The following CELF2 variants were observed in gnomAD, a reference collection of about 807,000 sequenced individuals.
CELF2 encodes the protein CUGBP Elav-like family member 2.
Under a neutral mutation model 62.6 loss-of-function variants are expected in CELF2, and 8 were observed. That is an observed-to-expected ratio of 0.13 (90% confidence interval 0.07 to 0.23). The LOEUF (loss-of-function observed/expected upper bound fraction) is 0.23, where lower values mean the gene tolerates loss of function less well. CELF2 is among the 10% of genes least tolerant of loss of function. CELF2 has a pLI of 1.00. For synonymous variants in CELF2, 258 were observed against 250.0 expected, an observed-to-expected ratio of 1.03 and a Z score of -0.30; for missense variants, 333 against 671.0, an observed-to-expected ratio of 0.50 and a Z score of 5.56.
intron 1 of CELF2, among the ~76,000 whole-genome samples, chr10:10,877,930 A>T (rs2061212473): frequency 6.6e-6 from 1 of 152,164 alleles, no homozygotes; most frequent in South Asian, 2.1e-4. Context: ...TCCAGATAGG[A>T]TCTAATTTTC....
the CELF2 span, among the ~76,000 whole-genome samples, chr10:10,708,052 T>A: frequency 6.6e-5 from 10 of 152,196 alleles, no homozygotes; most frequent in Non-Finnish European, 1.3e-4. Context: ...AGTATCTTCA[T>A]ATAAACAAAG....
At chr10:10,707,089 T>C in the CELF2 span, among the ~76,000 whole-genome samples, 1 of 152,184 alleles carries the variant, frequency 6.6e-6, no homozygotes, top group Non-Finnish European at 1.5e-5. Context: ...GCTCTGGCAT[T>C]TGGGGGTTAC....
chr10:10,985,160 T>A (rs960204436), intron 2 of CELF2, among the ~76,000 whole-genome samples: 1 of 152,190 alleles, frequency 6.6e-6, no homozygotes, highest in South Asian at 2.1e-4. Context: ...CAAGGAAATG[T>A]TCTTTCAGTA....
intron 1 of CELF2, among the ~76,000 whole-genome samples, chr10:11,009,050 C>G (rs897466561): frequency 1.3e-4 from 18 of 139,664 alleles, no homozygotes; most frequent in African/African-American, 3.5e-4. Context: ...CTATTGATTG[C>G]TTCTCTAATT....
chr10:11,176,532 C>A (rs1006555509), intron 2 of CELF2, among the ~76,000 whole-genome samples: 13 of 152,128 alleles, frequency 8.5e-5, no homozygotes, highest in Admixed American at 3.9e-4. Context: ...TTTGCAATAG[C>A]CCAAAGTTAA....
intron 1 of CELF2, among the ~76,000 whole-genome samples, chr10:10,843,351 G>A (rs1408950860): frequency 6.6e-6 from 1 of 151,830 alleles, no homozygotes; most frequent in East Asian, 1.9e-4. Context: ...GGTTGAAATT[G>A]TTCTTTTTTA....
rs1157560555 is a variant in CELF2, at chr10:11,330,630, AGCTATGAATTCT to A, written c.*1579_*1590del. 6.6e-6 allele frequency: 1 copy of A among 152,604 alleles called. No individual in the cohort carries two copies. Among genetic ancestry groups the A allele is most frequent in the Non-Finnish European group, 1.5e-5 (1 of 68,036 alleles). The allele number at this position is 152,604 out of a possible 1,614,324, so 9.5% of individuals were successfully genotyped here. A position where few individuals can be genotyped will look rare whatever the true frequency, so the allele number is the denominator to read the frequency against. Reference sequence around the variant, plus strand: ...TTGAAATTTGCATGTGACCTCATCTAGCTATGAATTCTGGGAAGTCAATGTGAAAAACATTGC... The same window carrying A: ...TTGAAATTTGCATGTGACCTCATCTAGGGAAGTCAATGTGAAAAACATTGC... On this transcript the variant is annotated 3_prime_UTR_variant, in exon 13 of 13. Coordinates refer to ENST00000633077, the MANE Select transcript of CELF2 (RefSeq NM_001326342.2). This position sits in a 1 kb window ranked among gnomAD's most constrained non-coding sequence, Gnocchi z 4.5.
the CELF2 span, among the ~76,000 whole-genome samples, chr10:10,479,820 A>C: frequency 6.6e-6 from 1 of 152,224 alleles, no homozygotes. Context: ...TGCAATCCTG[A>C]AATGTCATGG....
intron 1 of CELF2, among the ~76,000 whole-genome samples, chr10:10,821,974 G>C (rs1165832061): frequency 6.6e-6 from 1 of 152,182 alleles, no homozygotes; most frequent in South Asian, 2.1e-4. Flanking sequence ...TTTCTCCCCT[G>C]CTGAGAAGCC....
the CELF2 span, among the ~76,000 whole-genome samples, chr10:10,656,533 A>G: frequency 0.065 from 7,156 of 109,450 alleles, 218 homozygotes; most frequent in South Asian, 0.11. Context: ...ATGGAATACT[A>G]TGCAGCCATA....
chr10:10,549,548 T>G, the CELF2 span, among the ~76,000 whole-genome samples: 2 of 152,238 alleles, frequency 1.3e-5, no homozygotes, highest in Non-Finnish European at 2.9e-5. Context: ...CCTCACAATG[T>G]GCTGGGATTA....
chr10:10,850,717 A>C (rs1009453834), intron 1 of CELF2, among the ~76,000 whole-genome samples: 1 of 152,220 alleles, frequency 6.6e-6, no homozygotes, highest in Non-Finnish European at 1.5e-5. Context: ...AATGCTTTTA[A>C]TCTTCACAAT....
chr10:10,747,477 C>G, the CELF2 span, among the ~76,000 whole-genome samples: 2 of 152,138 alleles, frequency 1.3e-5, no homozygotes, highest in Non-Finnish European at 2.9e-5. Flanking sequence ...TGTCTGGAGG[C>G]TGACGGAAGG....
chr10:11,036,718 C>T (rs555093849), intron 1 of CELF2, among the ~76,000 whole-genome samples: 1 of 152,316 alleles, frequency 6.6e-6, no homozygotes, highest in Admixed American at 6.5e-5. Context: ...GCTAGTTTTA[C>T]GCTGAGAGCC....
At chr10:11,203,399 A>G (rs2059720208) in intron 2 of CELF2, among the ~76,000 whole-genome samples, 1 of 152,224 alleles carries the variant, frequency 6.6e-6, no homozygotes, top group African/African-American at 2.4e-5. Flanking sequence ...TACAAGGACC[A>G]TGTGTTACAT....
At chr10:11,164,541 G>C (rs1027443291) in intron 1 of CELF2, among the ~76,000 whole-genome samples, 3 of 152,134 alleles carry the variant, frequency 2.0e-5, no homozygotes, top group Non-Finnish European at 4.4e-5. Flanking sequence ...TCTCCCAAAC[G>C]TGTGATTGTT....
rs991206014 is a variant in CELF2 at position 11,207,736 on chromosome 10, A to T, written c.272-9689A>T. Among the ~76,000 whole-genome samples the T allele has an allele frequency of 1.3e-5, 2 of 152,258 alleles. No individual in the cohort carries two copies. On this transcript the variant is annotated intron_variant, in intron 2 of 12. Transcript: ENST00000633077. This position sits in a 1 kb window ranked among gnomAD's most constrained non-coding sequence, Gnocchi z 4.1. ...CCCGTCAGCTTCCTAGGCAGTGGCC[A>T]GATGGTGATACCGCTGACATCAGGG...
intron 1 of CELF2, among the ~76,000 whole-genome samples, chr10:10,907,396 T>C (rs574131696): frequency 6.6e-6 from 1 of 152,338 alleles, no homozygotes; most frequent in South Asian, 2.1e-4. Context: ...ATTCTTCACC[T>C]TTTAAAAAAA....
chr10:10,981,428 A>G (rs925527681), intron 2 of CELF2, among the ~76,000 whole-genome samples: 1 of 152,230 alleles, frequency 6.6e-6, no homozygotes, highest in Admixed American at 6.5e-5. Context: ...TAATAGATTC[A>G]AGGTTGAAGA....
Sources: gnomAD v4.1 joint callset for allele counts (sites outside exome capture counted in the v4.1 genomes callset) on GRCh38, gnomAD v4.1.1 for gene constraint, Gnocchi (gnomAD v3.1) non-coding constraint, MANE v1.5 for transcripts, NCBI Gene and HGNC (gene_info 2026-07-23, HGNC 2026-07-21) for gene names.